Variants in KCNK16 observed in about 807,000 individuals in gnomAD.
The protein encoded by KCNK16 is potassium channel subfamily K member 16.
Under a neutral mutation model 23.0 loss-of-function variants are expected in KCNK16, and 23 were observed. The ratio of observed to expected loss-of-function variants is 1.00; its 90% CI spans 0.72 to 1.41. KCNK16 has a LOEUF of 1.41. Ranked by LOEUF, KCNK16 falls within the 40% of genes most tolerant of loss-of-function variation. The pLI is 0.00. For missense variants in KCNK16, 327 were observed against 365.8 expected, an observed-to-expected ratio of 0.89 and a Z score of 0.87; for synonymous variants, 145 against 153.5, an observed-to-expected ratio of 0.94 and a Z score of 0.41.
chr6:39,318,054 G>T, intron 2 of KCNK16, 102 bp from the exon 3 acceptor site: 2 of 1,157,210 alleles, frequency 1.7e-6, no homozygotes, highest in Middle Eastern at 2.5e-4. Flanking sequence ...CACCTCTGGG[G>T]GTGAGAAGGG....
intron 2 of KCNK16, among the ~76,000 whole-genome samples, 189 bp downstream of exon 2, chr6:39,318,830 G>A (rs1762415500): frequency 6.6e-6 from 1 of 152,148 alleles, no homozygotes; most frequent in Admixed American, 6.5e-5. Context: ...AGTCACCCAA[G>A]CCAGTAATCT....
rs1454538543 is a variant in KCNK16, at chr6:39,322,405, G to C, written c.136C>G (p.Gln46Glu). 1 of 1,613,964 alleles carries C rather than the reference G, an allele frequency of 6.2e-7. No individual in the cohort carries two copies. The highest frequency in any genetic ancestry group is 2.2e-5 in the East Asian group (1 of 44,884). ...AAGCGCAGCTTCTCCAACTGAAACTGGTCCCTGGACTGAGCCTCCGCCTGC... is the reference window on the plus strand; with the variant it reads ...AAGCGCAGCTTCTCCAACTGAAACTCGTCCCTGGACTGAGCCTCCGCCTGC... ...ERQAEAQSRD[Q>E]FQLEKLRFLE... The change falls in exon 1 of 5, where the codon CAG becomes GAG. Residue 46 changes from glutamine to glutamate, a missense_variant. Transcript: ENST00000437525.
downstream of KCNK16, chr6:39,315,160 C>G: frequency 6.2e-7 from 1 of 1,614,218 alleles, no homozygotes; most frequent in Non-Finnish European, 8.5e-7. Context: ...ACATAGGAGC[C>G]CACTTGCTGT....
chr6:39,315,345 G>C, downstream of KCNK16: 1 of 1,552,036 alleles, frequency 6.4e-7, no homozygotes, highest in Non-Finnish European at 8.7e-7. Context: ...CCTGGGATCT[G>C]CTGGCTCTCT....
In KCNK16 at chr6:39,322,677, G is replaced by T; in HGVS notation, c.-137C>A. ...CTCCTCCTCGGCACAGGTGTCTGGAGGCTGGGGAGACTGTTTGAACAGTGC... is the reference window on the plus strand; with the variant it reads ...CTCCTCCTCGGCACAGGTGTCTGGATGCTGGGGAGACTGTTTGAACAGTGC... On this transcript the variant is annotated 5_prime_UTR_variant, in exon 1 of 5. Transcript: ENST00000437525. 2 of 1,340,972 alleles carry T rather than the reference G, an allele frequency of 1.5e-6. No homozygotes were observed. The highest frequency in any genetic ancestry group is 2.0e-6 in the Non-Finnish European group (2 of 1,009,448). The allele number at this position is 1,340,972 out of a possible 1,614,324, so 83.1% of individuals were successfully genotyped here.
intron 1 of KCNK16, among the ~76,000 whole-genome samples, chr6:39,321,874 G>A (rs9462529): frequency 7.2e-5 from 11 of 152,080 alleles, no homozygotes; most frequent in African/African-American, 1.9e-4. Flanking sequence ...ACCCGCAGCC[G>A]TCTGCCCAGG....
chr6:39,314,842 A>G (rs1398469452), downstream of KCNK16: 3 of 734,464 alleles, frequency 4.1e-6, no homozygotes, highest in Non-Finnish European at 6.8e-6. Flanking sequence ...TTGTACCCCA[A>G]AAGAGGGACC....
intron 1 of KCNK16, 135 bp downstream of exon 1, chr6:39,322,193 C>T (rs1263125912): frequency 1.1e-5 from 16 of 1,394,168 alleles, no homozygotes; most frequent in Middle Eastern, 3.7e-4. Context: ...TCTCACCAGG[C>T]TCTCTGTTCC....
In KCNK16 at chr6:39,317,928, G is replaced by C; in HGVS notation, c.353C>G (p.Thr118Arg). The change falls in exon 3 of 5, where the codon ACA becomes AGA. Residue 118 changes from threonine (T) to arginine (R), a missense_variant. Thr to Arg is a moderately conservative substitution (Grantham distance 71). Coordinates refer to ENST00000437525, the MANE Select transcript of KCNK16 (RefSeq NM_001135106.2). ...TIGYGNLAPS[T>R]EAGQVFCVFY... is the part of the protein sequence containing the mutation. ...GACACAGAAGACCTGACCTGCCTCTGTGCTGGGTGCCAGGTTCCCATATCC... is the reference window on the plus strand; with the variant it reads ...GACACAGAAGACCTGACCTGCCTCTCTGCTGGGTGCCAGGTTCCCATATCC... 6.2e-7 allele frequency: 1 copy of C among 1,609,912 alleles called. No homozygotes were observed. Among genetic ancestry groups the C allele is most frequent in the Non-Finnish European group, 8.5e-7 (1 of 1,178,026 alleles).
In KCNK16 at chr6:39,316,203, G is replaced by C. The variant is rs75212002; in HGVS notation, c.*16C>G. ...TGGGGAGGATGAAAGGGGTTTCTGGGCCCCCCCCGGGGGCCTCATGCAGAG... is the reference window on the plus strand; with the variant it reads ...TGGGGAGGATGAAAGGGGTTTCTGGCCCCCCCCCGGGGGCCTCATGCAGAG... On this transcript the variant is annotated 3_prime_UTR_variant, in exon 5 of 5. Coordinates refer to ENST00000437525, the MANE Select transcript of KCNK16 (RefSeq NM_001135106.2). The C allele has an allele frequency of 0.027, 40,617 of 1,496,908 alleles. 623 individuals are homozygous for C. Among genetic ancestry groups the C allele is most frequent in the Non-Finnish European group, 0.029 (32,562 of 1,123,476 alleles). 92.7% of individuals were successfully genotyped at this position (1,496,908 alleles called of 1,614,324 possible).
intron 2 of KCNK16, among the ~76,000 whole-genome samples, chr6:39,318,470 G>C (rs1387460274): frequency 1.3e-5 from 2 of 152,118 alleles, no homozygotes. Flanking sequence ...GGGTGGGATG[G>C]AGTGAGTTTT....
In KCNK16 at chr6:39,322,417, G is replaced by A; in HGVS notation, c.124C>T (p.Gln42Ter). 4 of 1,613,848 alleles carry A rather than the reference G, an allele frequency of 2.5e-6. No homozygotes were observed. The highest frequency in any genetic ancestry group is 3.4e-6 in the Non-Finnish European group (4 of 1,179,966). The change falls in exon 1 of 5, where the codon CAG becomes TAG. Residue 42 changes from glutamine (Q) to a stop codon, truncating the protein, a stop_gained. Transcript: ENST00000437525. LOFTEE classifies it high-confidence loss of function. Reference protein sequence around the residue: ...FQLLERQAEAQSRDQFQLEKL... With the variant: ...FQLLERQAEA ...TCCAACTGAAACTGGTCCCTGGACT[G>A]AGCCTCCGCCTGCCTCTCTAGCAGC...
chr6:39,318,987 T>C, intron 2 of KCNK16, 32 bp downstream of exon 2: 1 of 1,461,804 alleles, frequency 6.8e-7, no homozygotes, highest in African/African-American at 1.4e-5. Flanking sequence ...ACAGGGGCCT[T>C]GGGGAAGCTC....
chr6:39,320,676 G>T (rs900993626), intron 1 of KCNK16, among the ~76,000 whole-genome samples: 4 of 152,206 alleles, frequency 2.6e-5, no homozygotes, highest in Non-Finnish European at 5.9e-5. Flanking sequence ...GGAAAGGGAT[G>T]TCCTGTCTTC....
chr6:39,315,483 A>G (rs1354733605), downstream of KCNK16: 3 of 1,473,954 alleles, frequency 2.0e-6, no homozygotes, highest in East Asian at 7.4e-5. Flanking sequence ...GACACCCAAG[A>G]GGTCCTAAGC....
At chr6:39,316,595 T>A (rs1762328148) in intron 4 of KCNK16, among the ~76,000 whole-genome samples, 153 bp from the exon 5 acceptor site, 1 of 152,120 alleles carries the variant, frequency 6.6e-6, no homozygotes, top group South Asian at 2.1e-4. Flanking sequence ...TGGTGATGGG[T>A]CCTAGACCAG....
At chr6:39,317,499 C>T (rs1300078973) in intron 3 of KCNK16, among the ~76,000 whole-genome samples, 1 of 152,218 alleles carries the variant, frequency 6.6e-6, no homozygotes, top group Non-Finnish European at 1.5e-5. Flanking sequence ...GAAGGCCACA[C>T]CCAGTGCCTG....
At chr6:39,317,009 G>A in intron 3 of KCNK16, 62 bp from the exon 4 acceptor site, 1 of 1,508,240 alleles carries the variant, frequency 6.6e-7, no homozygotes, top group Non-Finnish European at 8.9e-7. Context: ...TATGAGGTTG[G>A]GGGGAGTCTG....
chr6:39,316,665 C>T, intron 4 of KCNK16, 117 bp downstream of exon 4: 1 of 1,315,728 alleles, frequency 7.6e-7, no homozygotes, highest in Non-Finnish European at 1.1e-6. Flanking sequence ...GGTTTGGCTC[C>T]CTTGAATGAC....
Sources: gnomAD v4.1 joint callset for allele counts (sites outside exome capture counted in the v4.1 genomes callset) on GRCh38, gnomAD v4.1.1 for gene constraint, MANE v1.5 for transcripts, NCBI Gene and HGNC (gene_info 2026-07-23, HGNC 2026-07-21) for gene names.